CCDC13: variants seen among roughly 807,000 people sequenced by gnomAD.
CCDC13 encodes coiled-coil domain-containing protein 13.
CCDC13 carries 70 observed loss-of-function variants against 87.3 expected under a neutral mutation model. The ratio of observed to expected loss-of-function variants is 0.80; its 90% CI spans 0.66 to 0.98. The LOEUF is 0.98. Among genes scored for constraint, CCDC13 ranks in the 50% least tolerant of loss-of-function variants. CCDC13 has a pLI of 0.00. For missense variants in CCDC13, 842 were observed against 892.0 expected (o/e 0.94, Z 0.71); for synonymous variants, 317 against 360.3 (o/e 0.88, Z 1.36).
chr3:42,714,411 T>G (rs1449286025), intron 13 of CCDC13, among the ~76,000 whole-genome samples: 4 of 152,280 alleles, frequency 2.6e-5, no homozygotes, highest in Non-Finnish European at 5.9e-5. Context: ...ATGTCCTTTC[T>G]CATTTAATTG....
intron 8 of CCDC13, among the ~76,000 whole-genome samples, chr3:42,740,177 A>C (rs1454028689): frequency 6.6e-6 from 1 of 152,220 alleles, no homozygotes; most frequent in Non-Finnish European, 1.5e-5. Context: ...AGGGGAAAAG[A>C]GAAAAGCCAT....
Position 42,706,802 on chromosome 3 carries a change from G to T in CCDC13, c.*2178C>A, listed in dbSNP as rs1468927287. The T allele has an allele frequency of 2.0e-5, 3 of 152,178 alleles. No homozygotes were observed. Among genetic ancestry groups the T allele is most frequent in the African/African-American group, 7.2e-5 (3 of 41,424 alleles). 9.4% of individuals were successfully genotyped at this position (152,178 alleles called of 1,614,324 possible). A position where few individuals can be genotyped will look rare whatever the true frequency, so the allele number is the denominator to read the frequency against. On this transcript the variant is annotated 3_prime_UTR_variant, in exon 16 of 16. Transcript: ENST00000310232. ...GTGAAACGTCTTTGGGTTATTCTTT[G>T]ACATACATATTAATAACAGCCCCCT...
intron 1 of CCDC13, among the ~76,000 whole-genome samples, chr3:42,767,532 G>A (rs772364034): frequency 6.6e-6 from 1 of 152,166 alleles, no homozygotes; most frequent in African/African-American, 2.4e-5. Flanking sequence ...TAGATTCAAT[G>A]CAATTGCAAT....
intron 13 of CCDC13, among the ~76,000 whole-genome samples, chr3:42,721,193 C>T (rs1188154670): frequency 6.6e-6 from 1 of 152,112 alleles, no homozygotes; most frequent in African/African-American, 2.4e-5. Flanking sequence ...CATTGTGTGC[C>T]ACAGAGGCAA....
chr3:42,728,627 T>G (rs1477706680), intron 13 of CCDC13, among the ~76,000 whole-genome samples: 1 of 152,228 alleles, frequency 6.6e-6, no homozygotes, highest in East Asian at 1.9e-4. Context: ...GGTTTTAGTT[T>G]AAAACATTTA....
chr3:42,743,813 C>A (rs1374489673), intron 7 of CCDC13, among the ~76,000 whole-genome samples: 2 of 151,770 alleles, frequency 1.3e-5, no homozygotes, highest in African/African-American at 2.4e-5. Flanking sequence ...CCACCTAAGA[C>A]TGGGTGGGCT....
chr3:42,770,909 G>C (rs1288509027), intron 1 of CCDC13: 1 of 152,222 alleles, frequency 6.6e-6, no homozygotes, highest in Non-Finnish European at 1.5e-5. Context: ...ACATCAGAAG[G>C]AAGAAACAAA....
intron 13 of CCDC13, among the ~76,000 whole-genome samples, chr3:42,720,356 C>T (rs1488327873): frequency 6.6e-6 from 1 of 152,196 alleles, no homozygotes; most frequent in East Asian, 1.9e-4. Context: ...AACTGTATGA[C>T]TTACCTGCTT....
chr3:42,745,808 C>A, intron 7 of CCDC13, 115 bp downstream of exon 7: 2 of 714,700 alleles, frequency 2.8e-6, no homozygotes, highest in Admixed American at 2.6e-5. Flanking sequence ...ACTGTGAGAC[C>A]TAAAGGCCTT....
Position 42,709,256 on chromosome 3 carries a change from C to G in CCDC13, c.1989-117G>C, listed in dbSNP as rs112852516. On this transcript the variant is annotated intron_variant, in intron 15 of 15. Transcript: ENST00000310232. ...GGCTGCTCTTCAGGCTCAGGCTTCC[C>G]TCTGACCCATCCCCTCCTCTCACTG... is the stretch of plus-strand genomic sequence containing the variant. The G allele has an allele frequency of 1.4e-3, 1,510 of 1,061,204 alleles. 26 individuals are homozygous for G. In the African/African-American group the frequency reaches 0.02, roughly 14 times the overall value. The allele number at this position is 1,061,204 out of a possible 1,614,324, so 65.7% of individuals were successfully genotyped here.
rs764977778 is a variant in CCDC13 at position 42,758,133 on chromosome 3, A to C, written c.213T>G (p.Phe71Leu). 1 of 1,613,526 alleles carries C rather than the reference A, an allele frequency of 6.2e-7. No homozygotes were observed. The highest frequency in any genetic ancestry group is 8.5e-7 in the Non-Finnish European group (1 of 1,179,866). The part of the protein sequence containing the change: ...HAGEPNSKNS[F>L]EKRVLEDEIE... ...TTCAAACTTGCATTTACCTCTTCTC[A>C]AAGCTATTTTTCGAGTTTGGCTCCC... is the stretch of plus-strand genomic sequence containing the variant. The change falls in exon 2 of 16, where the codon TTT becomes TTG. Residue 71 changes from phenylalanine to leucine, a missense_variant. Phe to Leu is a conservative substitution (Grantham distance 22). Coordinates refer to ENST00000310232, the MANE Select transcript of CCDC13 (RefSeq NM_144719.4).
chr3:42,756,643 G>A (rs796208444), intron 3 of CCDC13, among the ~76,000 whole-genome samples: 19 of 152,028 alleles, frequency 1.2e-4, no homozygotes, highest in African/African-American at 4.1e-4. Context: ...TGCAGTGGGG[G>A]TGATCATAGC....
intron 10 of CCDC13, among the ~76,000 whole-genome samples, chr3:42,735,264 A>G (rs994150317): frequency 6.6e-6 from 1 of 152,202 alleles, no homozygotes; most frequent in African/African-American, 2.4e-5. Context: ...GTGCCTGGGT[A>G]GCAGAGTGTA....
chr3:42,725,533 C>CAAAAAAAAAAAAAAAAA (rs56224625), intron 13 of CCDC13, among the ~76,000 whole-genome samples: 1 of 91,498 alleles, frequency 1.1e-5, no homozygotes, highest in African/African-American at 4.3e-5. Context: ...GACCCTGTCT[C>CAAAAAAAAAAAAAAAAA]AAAAAAAAAA....
At chr3:42,743,638 CACAT>C in intron 7 of CCDC13, among the ~76,000 whole-genome samples, 2 of 141,874 alleles carry the variant, frequency 1.4e-5, no homozygotes, top group East Asian at 4.8e-4. Context: ...TACACACACA[CACAT>C]AAATATATAA....
chr3:42,712,739 G>A (rs930395666), intron 14 of CCDC13, among the ~76,000 whole-genome samples: 5 of 152,214 alleles, frequency 3.3e-5, no homozygotes, highest in African/African-American at 9.6e-5. Context: ...GCTACTTCCT[G>A]CTTATATCAA....
chr3:42,717,596 T>C (rs757230166), intron 13 of CCDC13, among the ~76,000 whole-genome samples: 1 of 152,226 alleles, frequency 6.6e-6, no homozygotes, highest in Non-Finnish European at 1.5e-5. Context: ...CTGAATTGTA[T>C]ACTTTTAATG....
intron 13 of CCDC13, among the ~76,000 whole-genome samples, chr3:42,715,627 A>T (rs1479311020): frequency 6.6e-6 from 1 of 152,182 alleles, no homozygotes; most frequent in Admixed American, 6.5e-5. Flanking sequence ...AAAGAAAAAA[A>T]AATAAAGTTT....
intron 1 of CCDC13, among the ~76,000 whole-genome samples, chr3:42,765,747 G>A (rs1261844486): frequency 6.6e-6 from 1 of 152,250 alleles, no homozygotes; most frequent in Non-Finnish European, 1.5e-5. Flanking sequence ...GGGAAGGGAC[G>A]GTGCCTGAGT....
Sources: allele counts gnomAD v4.1 joint callset (sites outside exome capture counted in the v4.1 genomes callset), GRCh38; gene constraint gnomAD v4.1.1; transcripts MANE v1.5; gene names NCBI Gene and HGNC (gene_info 2026-07-23, HGNC 2026-07-21).